Variants in ZNF442 observed in about 807,000 individuals in gnomAD.
ZNF442 encodes zinc finger protein 442.
Under a neutral mutation model 57.0 loss-of-function variants are expected in ZNF442, and 45 were observed. The observed-to-expected ratio is 0.79, with a 90% CI of 0.62 to 1.01. The LOEUF is 1.01. Ranked by LOEUF, ZNF442 falls within the 50% of genes least tolerant of loss-of-function variation. ZNF442 has a pLI of 0.00. For synonymous variants in ZNF442, 213 were observed against 241.8 expected, an observed-to-expected ratio of 0.88 and a Z score of 1.10; for missense variants, 690 against 756.5, an observed-to-expected ratio of 0.91 and a Z score of 1.03.
intron 3 of ZNF442, among the ~76,000 whole-genome samples, chr19:12,359,442 C>T (rs900462864): frequency 2.6e-5 from 4 of 152,192 alleles, no homozygotes; most frequent in Non-Finnish European, 4.4e-5. Flanking sequence ...CTTCTCTAAA[C>T]TATAACTCAG....
At position 12,350,381 on chromosome 19, in the gene ZNF442, C is replaced by G. The variant is rs1969203335; in HGVS notation, c.1204G>C (p.Asp402His). 1.2e-6 allele frequency: 2 copies of G among 1,613,840 alleles called. No homozygotes were observed. The highest frequency in any genetic ancestry group is 3.3e-5 in the Admixed American group (2 of 59,994). The change falls in exon 6 of 6, where the codon GAT becomes CAT. Residue 402 changes from aspartate (D) to histidine (H), a missense_variant. Coordinates refer to ENST00000242804, the MANE Select transcript of ZNF442 (RefSeq NM_030824.3). ...CATACCTTGCATTTGTGAGGTCCAT[C>G]TCCAGTGTGCATTATCATATGACTT... is the stretch of plus-strand genomic sequence containing the variant. ...FRSHMIMHTGDGPHKCKVCGK... is the reference protein window; with the variant it reads ...FRSHMIMHTGHGPHKCKVCGK...
At chr19:12,366,415 C>T (rs76182213), upstream of ZNF442, among the ~76,000 whole-genome samples, 4,513 of 152,234 alleles carry the variant, frequency 0.03, 130 homozygotes, top group Non-Finnish European at 0.049. Flanking sequence ...GAGTGTGTAA[C>T]CAGCAGCTTA....
chr19:12,352,673 T>A (rs1323359405), intron 4 of ZNF442, among the ~76,000 whole-genome samples: 4 of 152,246 alleles, frequency 2.6e-5, no homozygotes, highest in Non-Finnish European at 5.9e-5. Flanking sequence ...ATCTTCTTTA[T>A]GATTTTCTTA....
intron 2 of ZNF442, among the ~76,000 whole-genome samples, chr19:12,364,231 C>T (rs914056350): frequency 6.6e-6 from 1 of 151,786 alleles, no homozygotes; most frequent in Non-Finnish European, 1.5e-5. Flanking sequence ...CATGGTGAAA[C>T]CCCGTCGCTA....
upstream of ZNF442, among the ~76,000 whole-genome samples, chr19:12,370,232 C>T (rs960997440): frequency 5.9e-5 from 9 of 151,310 alleles, no homozygotes; most frequent in African/African-American, 2.2e-4. Context: ...TGGTGGGAGA[C>T]AGTGACAGAT....
chr19:12,363,101 G>A (rs1372533954), intron 3 of ZNF442, among the ~76,000 whole-genome samples: 1 of 141,962 alleles, frequency 7.0e-6, no homozygotes, highest in Non-Finnish European at 1.5e-5. Context: ...AGAGGTTGCA[G>A]TAAGCTGAGA....
At chr19:12,355,290 CAA>C (rs1243882800) in intron 3 of ZNF442, among the ~76,000 whole-genome samples, 9 of 55,652 alleles carry the variant, frequency 1.6e-4, no homozygotes, top group Admixed American at 2.1e-4. Flanking sequence ...GACTCCATCT[CAA>C]AAAAAAAAAA....
chr19:12,360,320 C>T (rs961359135), intron 3 of ZNF442, among the ~76,000 whole-genome samples: 2 of 152,172 alleles, frequency 1.3e-5, no homozygotes, highest in African/African-American at 4.8e-5. Flanking sequence ...CAGGGAATCA[C>T]CCCAACTGCC....
rs1445859806 is a variant in ZNF442, at chr19:12,364,795, C to T, written c.-41+7G>A. On this transcript the variant is annotated splice_region_variant and intron_variant, in intron 2 of 5. Coordinates refer to ENST00000242804, the MANE Select transcript of ZNF442 (RefSeq NM_030824.3). ...ATTCTGATTGCAGTTAGATATTAAC[C>T]AGGTACCCTGAGCCCCACTGCCTCG... 1.3e-5 allele frequency: 2 copies of T among 152,250 alleles called. No homozygotes were observed. Among genetic ancestry groups the T allele is most frequent in the Admixed American group, 6.5e-5 (1 of 15,286 alleles). 9.4% of individuals were successfully genotyped at this position (152,250 alleles called of 1,614,324 possible). A position where few individuals can be genotyped will look rare whatever the true frequency, so the allele number is the denominator to read the frequency against.
rs182988618 is a variant in ZNF442 at position 12,359,492 on chromosome 19, G to A, written c.78+4062C>T. On this transcript the variant is annotated intron_variant, in intron 3 of 5. Coordinates refer to ENST00000242804, the MANE Select transcript of ZNF442 (RefSeq NM_030824.3). Reference sequence around the variant, plus strand: ...TCCAAATTCCCATTTTTTATCTTATGATTAGCTGAGCAGTTTTGTCTTCAC... The same window carrying A: ...TCCAAATTCCCATTTTTTATCTTATAATTAGCTGAGCAGTTTTGTCTTCAC... Among the ~76,000 whole-genome samples, 552 of 152,180 alleles carry A rather than the reference G, an allele frequency of 3.6e-3. 2 individuals are homozygous for A. The highest frequency in any genetic ancestry group is 0.013 in the African/African-American group (529 of 41,526).
chr19:12,363,637 T>G lies in ZNF442; in HGVS notation c.-6A>C, dbSNP rs758238733. The G allele has an allele frequency of 3.0e-5, 49 of 1,613,964 alleles. No individual in the cohort carries two copies. The East Asian group carries it at 8.9e-4, about 29-fold the overall frequency. The stretch of plus-strand genomic sequence containing the variant: ...TCTCCCCCAAATACAATCATTCAAC[T>G]GGCTGACCAGCCGTGTGTCCCCAAG... On this transcript the variant is annotated 5_prime_UTR_variant, in exon 3 of 6. Transcript: ENST00000242804.
chr19:12,362,559 G>A (rs750399127), intron 3 of ZNF442, among the ~76,000 whole-genome samples: 4 of 150,170 alleles, frequency 2.7e-5, no homozygotes, highest in East Asian at 4.0e-4. Context: ...GACAGCTCCC[G>A]CCCGGCCAGC....
intron 3 of ZNF442, among the ~76,000 whole-genome samples, chr19:12,363,158 C>CA (rs886442784): frequency 0.049 from 2,943 of 59,662 alleles, 117 homozygotes; most frequent in African/African-American, 0.13. Context: ...AGCTCCGTCT[C>CA]AAAAAAAAAA....
At position 12,350,236 on chromosome 19, in the gene ZNF442, C is replaced by G; in HGVS notation, c.1349G>C (p.Arg450Thr). 6.2e-7 allele frequency: 1 copy of G among 1,613,070 alleles called. No individual in the cohort carries two copies. Among genetic ancestry groups the G allele is most frequent in the African/African-American group, 1.3e-5 (1 of 74,626 alleles). Residue 450 changes from arginine to threonine, a missense_variant, in exon 6 of 6, where the codon AGA becomes ACA. Arg to Thr is a moderately conservative substitution (Grantham distance 71). Transcript: ENST00000242804. ...CTCTCCAGTGTGAGTTGTTTCATGTCTTCGAAGGGAACTAGAAATACGGAA... is the reference window on the plus strand; with the variant it reads ...CTCTCCAGTGTGAGTTGTTTCATGTGTTCGAAGGGAACTAGAAATACGGAA... ...KAFRISSSLR[R>T]HETTHTGEKP...
upstream of ZNF442, among the ~76,000 whole-genome samples, chr19:12,370,069 G>A (rs1435005554): frequency 6.6e-6 from 1 of 151,878 alleles, no homozygotes; most frequent in Admixed American, 6.6e-5. Context: ...AGTGGGGATG[G>A]TTTTGGGGTG....
Position 12,352,002 on chromosome 19 carries a change from C to A in ZNF442, c.266+8G>T, listed in dbSNP as rs1182237176. 6.2e-7 allele frequency: 1 copy of A among 1,612,164 alleles called. No homozygotes were observed. Among genetic ancestry groups the A allele is most frequent in the Admixed American group, 1.7e-5 (1 of 59,796 alleles). ...GATATATGTCTTTCTCTTGTGAGTG[C>A]AAATTACCTTAGGCTCCTCCTGGGA... On this transcript the variant is annotated splice_region_variant and intron_variant, in intron 5 of 5. Transcript: ENST00000242804.
upstream of ZNF442, among the ~76,000 whole-genome samples, chr19:12,370,702 T>G (rs1969573404): frequency 6.6e-6 from 1 of 151,998 alleles, no homozygotes; most frequent in Admixed American, 6.6e-5. Flanking sequence ...CGGCTGGGCA[T>G]GGTGGCTCAC....
At chr19:12,360,431 T>C (rs1457219254) in intron 3 of ZNF442, among the ~76,000 whole-genome samples, 1 of 152,196 alleles carries the variant, frequency 6.6e-6, no homozygotes, top group African/African-American at 2.4e-5. Context: ...AAGTGGGCCT[T>C]CAATAACCTC....
At position 12,350,520 on chromosome 19, in the gene ZNF442, C is replaced by T. The variant is rs763553340; in HGVS notation, c.1065G>A (p.Gly355=). ...GTGAACTAGGACAATCAAAGCCTTT[C>T]CCACATATCTTACATTTATGAGGTC... is the stretch of plus-strand genomic sequence containing the variant. ...GDGPHKCKIC[G]KGFDCPSSLQ... Residue 355 remains glycine, a synonymous_variant, in exon 6 of 6, where the codon GGG becomes GGA. Transcript: ENST00000242804. 3.7e-6 allele frequency: 6 copies of T among 1,612,852 alleles called. No homozygotes were observed. The South Asian group carries it at 6.6e-5, about 18-fold the overall frequency.
Sources: allele counts gnomAD v4.1 joint callset (sites outside exome capture counted in the v4.1 genomes callset), GRCh38; gene constraint gnomAD v4.1.1; transcripts MANE v1.5; gene names NCBI Gene and HGNC (gene_info 2026-07-23, HGNC 2026-07-21).